Variants in NSUN3 observed in about 807,000 individuals in gnomAD.
The protein encoded by NSUN3 is tRNA (cytosine(34)-C(5))-methyltransferase, mitochondrial.
In NSUN3, 24 loss-of-function variants were observed where a neutral mutation model predicts 36.8. That is an observed-to-expected ratio of 0.65 (90% CI 0.47 to 0.92). NSUN3 has a LOEUF of 0.92. NSUN3 is among the 40% of genes least tolerant of loss of function. The probability of loss-of-function intolerance (pLI) is 0.00; values close to 1 mark genes in which losing one functional copy is unlikely to be tolerated. For synonymous variants in NSUN3, 146 were observed against 145.2 expected (o/e 1.01, Z -0.04); for missense variants, 381 against 392.8 (o/e 0.97, Z 0.25).
rs752025914 is a variant in NSUN3 at position 94,095,135 on chromosome 3, C to T, written c.724C>T (p.Leu242=). The change falls in exon 5 of 6, where the codon CTA becomes TTA. Residue 242 remains leucine, a synonymous_variant. Coordinates refer to ENST00000314622, the MANE Select transcript of NSUN3 (RefSeq NM_022072.5). ...AAGTCAAAGGAGGAATTTGCCTCTT[C>T]TACAGATAGAGCTGTTAAGGTAAGG... ...RISQRRNLPL[L]QIELLRSAIK... The T allele has an allele frequency of 2.5e-6, 4 of 1,613,626 alleles. No individual in the cohort carries two copies. The highest frequency in any genetic ancestry group is 2.2e-5 in the East Asian group (1 of 44,856).
chr3:94,094,944 A>G (rs2077331306), intron 4 of NSUN3, 89 bp from the exon 5 acceptor site: 3 of 1,297,588 alleles, frequency 2.3e-6, no homozygotes, highest in African/African-American at 3.0e-5. Context: ...CTATTTGTTT[A>G]CCATGTTTTA....
chr3:94,091,988 A>G (rs1183045262), intron 3 of NSUN3, among the ~76,000 whole-genome samples: 1 of 152,174 alleles, frequency 6.6e-6, no homozygotes, highest in African/African-American at 2.4e-5. Context: ...TGCTAATGCT[A>G]CCACTGCCAC....
intron 5 of NSUN3, among the ~76,000 whole-genome samples, chr3:94,107,424 A>G (rs1331323509): frequency 6.6e-6 from 1 of 151,152 alleles, no homozygotes; most frequent in African/African-American, 2.4e-5. Flanking sequence ...AGTAGCTGGG[A>G]CCACAGCATG....
chr3:94,081,183 C>T (rs1442102720), intron 2 of NSUN3, among the ~76,000 whole-genome samples: 2 of 152,194 alleles, frequency 1.3e-5, no homozygotes, highest in Non-Finnish European at 2.9e-5. Context: ...ACCCCTTGCA[C>T]TTCCCTGATG....
At chr3:94,108,485 C>T (rs375229301) in intron 5 of NSUN3, among the ~76,000 whole-genome samples, 3 of 151,938 alleles carry the variant, frequency 2.0e-5, no homozygotes, top group Non-Finnish European at 4.4e-5. Context: ...CTCAGCCTCC[C>T]GAGTAGCTGG....
At chr3:94,089,790 C>T (rs190970764) in intron 3 of NSUN3, among the ~76,000 whole-genome samples, 23 of 152,294 alleles carry the variant, frequency 1.5e-4, no homozygotes, top group African/African-American at 4.8e-4. Flanking sequence ...TTCTTTCTTG[C>T]TCTAAAGCTT....
intron 3 of NSUN3, among the ~76,000 whole-genome samples, chr3:94,091,555 G>A (rs2077315142): frequency 6.6e-6 from 1 of 152,142 alleles, no homozygotes; most frequent in Non-Finnish European, 1.5e-5. Flanking sequence ...AGAAAACCCA[G>A]ATATACAATA....
intron 5 of NSUN3, among the ~76,000 whole-genome samples, chr3:94,113,135 AT>A (rs1257563997): frequency 2.0e-5 from 3 of 152,162 alleles, no homozygotes; most frequent in Non-Finnish European, 4.4e-5. Flanking sequence ...AAGTGCTGGG[AT>A]TACAGGTGTG....
At chr3:94,085,700 A>G (rs963273090) in intron 3 of NSUN3, among the ~76,000 whole-genome samples, 1 of 152,052 alleles carries the variant, frequency 6.6e-6, no homozygotes. Flanking sequence ...CAGAGATTAC[A>G]GTGAGCTGAG....
Position 94,079,313 on chromosome 3 carries a change from G to A in NSUN3, c.123-4794G>A, listed in dbSNP as rs554969357. On this transcript the variant is annotated intron_variant, in intron 2 of 5. Coordinates refer to ENST00000314622, the MANE Select transcript of NSUN3 (RefSeq NM_022072.5). ...GAGAGATCCACTGTTAGTCTGATGC[G>A]CTTCCCTTTGTGGGTGACCCAACCT... Among the ~76,000 whole-genome samples the A allele has an allele frequency of 9.9e-5, 15 of 152,248 alleles. 2 individuals are homozygous for A. Among genetic ancestry groups the A allele is most frequent in the African/African-American group, 2.6e-4 (11 of 41,542 alleles).
intron 3 of NSUN3, among the ~76,000 whole-genome samples, chr3:94,092,941 A>AG (rs2077322076): frequency 6.7e-6 from 1 of 149,782 alleles, no homozygotes; most frequent in African/African-American, 2.4e-5. Flanking sequence ...AAAAAAAAAA[A>AG]AAAAGAAAAG....
In NSUN3 at chr3:94,128,477, T is replaced by A. The variant is rs1030022223; in HGVS notation, c.*1987T>A. The A allele has an allele frequency of 1.3e-5, 2 of 151,766 alleles. No individual in the cohort carries two copies. The highest frequency in any genetic ancestry group is 2.9e-5 in the Non-Finnish European group (2 of 67,970). The allele number at this position is 151,766 out of a possible 1,614,324, so 9.4% of individuals were successfully genotyped here. A position where few individuals can be genotyped will look rare whatever the true frequency, so the allele number is the denominator to read the frequency against. ...GTTAAATGTCGGTATTTTCCCAGTA[T>A]AATGCGATGAAGCTTAATCTGAATA... On this transcript the variant is annotated 3_prime_UTR_variant, in exon 6 of 6. Coordinates refer to ENST00000314622, the MANE Select transcript of NSUN3 (RefSeq NM_022072.5).
intron 3 of NSUN3, among the ~76,000 whole-genome samples, chr3:94,089,664 G>A (rs1471917055): frequency 6.6e-6 from 1 of 152,176 alleles, no homozygotes; most frequent in Non-Finnish European, 1.5e-5. Flanking sequence ...AAGAATGAAG[G>A]AAGAGGGGTG....
chr3:94,116,305 T>A (rs981160388), intron 5 of NSUN3, among the ~76,000 whole-genome samples: 1 of 152,180 alleles, frequency 6.6e-6, no homozygotes, highest in African/African-American at 2.4e-5. Context: ...AACTTCATCC[T>A]TGAAGGCAAA....
chr3:94,094,575 T>A (rs1319767974), intron 4 of NSUN3, among the ~76,000 whole-genome samples: 1 of 152,212 alleles, frequency 6.6e-6, no homozygotes, highest in African/African-American at 2.4e-5. Flanking sequence ...GGGTCAGTAC[T>A]GTATTGCTTT....
intron 5 of NSUN3, among the ~76,000 whole-genome samples, chr3:94,122,534 C>A (rs1162949655): frequency 6.6e-6 from 1 of 152,210 alleles, no homozygotes; most frequent in Non-Finnish European, 1.5e-5. Flanking sequence ...ACCCTGCAAT[C>A]TCACACTGTA....
intron 2 of NSUN3, among the ~76,000 whole-genome samples, chr3:94,065,169 C>T (rs2077199250): frequency 6.6e-6 from 1 of 152,170 alleles, no homozygotes; most frequent in African/African-American, 2.4e-5. Flanking sequence ...ATAACCCTCT[C>T]TGGAATACAG....
At chr3:94,117,172 A>G (rs372515920) in intron 5 of NSUN3, among the ~76,000 whole-genome samples, 91 of 151,548 alleles carry the variant, frequency 6.0e-4, no homozygotes, top group Middle Eastern at 3.4e-3. Flanking sequence ...CTAATTTCTC[A>G]TATTTTTGGT....
chr3:94,104,239 A>G (rs1375051324), intron 5 of NSUN3, among the ~76,000 whole-genome samples: 1 of 152,212 alleles, frequency 6.6e-6, no homozygotes, highest in Non-Finnish European at 1.5e-5. Flanking sequence ...TAGAAAGCCC[A>G]TACCCAATAC....
Sources: gnomAD v4.1 joint callset for allele counts (sites outside exome capture counted in the v4.1 genomes callset) on GRCh38, gnomAD v4.1.1 for gene constraint, MANE v1.5 for transcripts, NCBI Gene and HGNC (gene_info 2026-07-23, HGNC 2026-07-21) for gene names.